Variants in MYO7A observed in about 807,000 individuals in gnomAD.
MYO7A encodes myosin VIIA, also known as unconventional myosin-VIIa.
A neutral mutation model predicts 263.8 loss-of-function variants in MYO7A; 210 were observed. The ratio of observed to expected loss-of-function variants is 0.80; its 90% CI spans 0.71 to 0.89. MYO7A has a LOEUF of 0.89. Ranked by LOEUF, MYO7A falls within the 40% of genes least tolerant of loss-of-function variation. MYO7A has a pLI of 0.00. For synonymous variants in MYO7A, 1,239 were observed against 1,197.3 expected (o/e 1.03, Z -0.72); for missense variants, 2,820 against 2,968.3 (o/e 0.95, Z 1.16).
chr11:77,180,130 G>A (rs1217045321), intron 21 of MYO7A, among the ~76,000 whole-genome samples, 177 bp downstream of exon 21: 2 of 152,232 alleles, frequency 1.3e-5, no homozygotes, highest in East Asian at 1.9e-4. Flanking sequence ...TCAGCCAAGG[G>A]CAGGGCTGGG....
chr11:77,160,256 C>G lies in MYO7A; in HGVS notation c.1174C>G (p.Leu392Val). The G allele has an allele frequency of 6.4e-7, 1 of 1,574,628 alleles. No individual in the cohort carries two copies. Among genetic ancestry groups the G allele is most frequent in the Non-Finnish European group, 8.6e-7 (1 of 1,160,658 alleles). ...CACCCCACTGAGCAGGGAACAGGCA[C>G]TGGACGTGCGCGACGCCTTCGTAAA... ...VSTPLSREQA[L>V]DVRDAFVKGI... The change falls in exon 11 of 49, where the codon CTG becomes GTG. Residue 392 changes from leucine to valine, a missense_variant. Coordinates refer to ENST00000409709, the MANE Select transcript of MYO7A (RefSeq NM_000260.4).
rs4945157 is a variant in MYO7A at position 77,197,793 on chromosome 11, G to A, written c.4441+195G>A. Among the ~76,000 whole-genome samples the A allele has an allele frequency of 0.036, 1,086 of 30,058 alleles. 35 individuals carry two copies. Among genetic ancestry groups the A allele is most frequent in the African/African-American group, 0.096 (511 of 5,330 alleles). 19.7% of individuals were successfully genotyped at this position (30,058 alleles called of 152,430 possible). A position where few individuals can be genotyped will look rare whatever the true frequency, so the allele number is the denominator to read the frequency against. On this transcript the variant is annotated intron_variant, in intron 33 of 48. Coordinates refer to ENST00000409709, the MANE Select transcript of MYO7A (RefSeq NM_000260.4). ...CCTTGCTCTGTAGCTCCAGCCCACA[G>A]CAGGGGAGGGAAACGTCTTGAGCCA...
At chr11:77,208,183 G>T (rs1319248621) in intron 42 of MYO7A, among the ~76,000 whole-genome samples, 1 of 152,174 alleles carries the variant, frequency 6.6e-6, no homozygotes, top group African/African-American at 2.4e-5. Context: ...AGTTTCCCTT[G>T]AGTCTAAGGC....
rs782288101 is a variant in MYO7A at position 77,157,039 on chromosome 11, C to G, written c.735+35C>G. On this transcript the variant is annotated intron_variant, in intron 7 of 48. Coordinates refer to ENST00000409709, the MANE Select transcript of MYO7A (RefSeq NM_000260.4). ...AGCCCCAGGGATGCAGGAATAGACC[C>G]AGGCCCCTGGCCTCAGGGGTCTGCG... 19 of 1,602,276 alleles carry G rather than the reference C, an allele frequency of 1.2e-5. No individual in the cohort carries two copies. The East Asian group carries it at 4.2e-4, about 36-fold the overall frequency.
Position 77,202,328 on chromosome 11 carries a change from G to A in MYO7A, c.5072G>A (p.Arg1691Lys), listed in dbSNP as rs1957119932. 6.3e-7 allele frequency: 1 copy of A among 1,585,272 alleles called. No homozygotes were observed. The highest frequency in any genetic ancestry group is 2.3e-5 in the East Asian group (1 of 43,558). ...VALVTMTPDQ[R>K]QDVVRLLQLR... is the part of the protein sequence containing the mutation. ...CTGGTCACCATGACTCCCGATCAGA[G>A]GCAGGACGTTGTCCGGCTCTTGCAG... Residue 1691 changes from arginine to lysine, a missense_variant, in exon 37 of 49, where the codon AGG becomes AAG. Arg to Lys is a conservative substitution (Grantham distance 26, BLOSUM62 2). Coordinates refer to ENST00000409709, the MANE Select transcript of MYO7A (RefSeq NM_000260.4).
In MYO7A at chr11:77,208,692, T is replaced by C; in HGVS notation, c.5945-5T>C. 1 of 1,574,410 alleles carries C rather than the reference T, an allele frequency of 6.4e-7. No homozygotes were observed. The highest frequency in any genetic ancestry group is 8.6e-7 in the Non-Finnish European group (1 of 1,158,206). ...CTCTGGGTGACCGACTGCCCTGTGC[T>C]GCAGGAATTGTGCCCTCACTCACCT... On this transcript the variant is annotated splice_polypyrimidine_tract_variant and splice_region_variant and intron_variant, in intron 43 of 48. Coordinates refer to ENST00000409709, the MANE Select transcript of MYO7A (RefSeq NM_000260.4).
At chr11:77,202,636 C>A (rs1160761342) in intron 37 of MYO7A, among the ~76,000 whole-genome samples, 1 of 152,086 alleles carries the variant, frequency 6.6e-6, no homozygotes, top group Non-Finnish European at 1.5e-5. Flanking sequence ...TCACTGCACC[C>A]ACCCCAGGCT....
At chr11:77,194,169 G>A in intron 31 of MYO7A, 185 bp from the exon 32 acceptor site, 1 of 763,410 alleles carries the variant, frequency 1.3e-6, no homozygotes, top group Non-Finnish European at 2.3e-6. Flanking sequence ...CCCTTGGGGA[G>A]CTCATGGTTC....
In MYO7A at chr11:77,215,045, G is replaced by A; in HGVS notation, c.*349G>A. On this transcript the variant is annotated 3_prime_UTR_variant, in exon 49 of 49. Coordinates refer to ENST00000409709, the MANE Select transcript of MYO7A (RefSeq NM_000260.4). The stretch of plus-strand genomic sequence containing the variant: ...ACTTTCTGTGTACCACTGGGATAGA[G>A]GAATCAAGAGGACAATCTAGCTCTC... The A allele has an allele frequency of 7.6e-6, 2 of 264,872 alleles. No homozygotes were observed. Among genetic ancestry groups the A allele is most frequent in the Non-Finnish European group, 1.4e-5 (2 of 138,056 alleles). The allele number at this position is 264,872 out of a possible 1,614,324, so 16.4% of individuals were successfully genotyped here.
At chr11:77,144,291 C>A (rs1489572913) in intron 3 of MYO7A, among the ~76,000 whole-genome samples, 1 of 152,172 alleles carries the variant, frequency 6.6e-6, no homozygotes, top group Non-Finnish European at 1.5e-5. Flanking sequence ...GAAGGGGAGG[C>A]ACAGGCTGGG....
chr11:77,207,301 G>T lies in MYO7A; in HGVS notation c.5755G>T (p.Glu1919Ter). The change falls in exon 42 of 49, where the codon GAG (glutamate) becomes TAG (stop). Residue 1919 changes from glutamate (E) to a stop codon, truncating the protein, a stop_gained. Transcript: ENST00000409709. LOFTEE classifies it high-confidence loss of function. Reference sequence around the variant, plus strand: ...CTGCCCCTCCCAGGCCTTCGAAGTGGAGTCCAGCACCAAGGCCAAGGACTT... The same window carrying T: ...CTGCCCCTCCCAGGCCTTCGAAGTGTAGTCCAGCACCAAGGCCAAGGACTT... ...PDDTDEAFEV[E>*]SSTKAKDFCQ... The T allele has an allele frequency of 6.2e-7, 1 of 1,611,142 alleles. No homozygotes were observed. The highest frequency in any genetic ancestry group is 8.5e-7 in the Non-Finnish European group (1 of 1,178,674).
At chr11:77,139,092 A>T (rs879954680) in intron 2 of MYO7A, among the ~76,000 whole-genome samples, 1 of 152,234 alleles carries the variant, frequency 6.6e-6, no homozygotes, top group Admixed American at 6.5e-5. Flanking sequence ...GTGCATTTGC[A>T]TGGGTCTCTC....
intron 3 of MYO7A, among the ~76,000 whole-genome samples, chr11:77,144,877 G>A (rs1951457011): frequency 6.6e-6 from 1 of 152,188 alleles, no homozygotes; most frequent in Non-Finnish European, 1.5e-5. Context: ...TAGGGAGCAA[G>A]CTGTCCCTGC....
At chr11:77,177,183 G>T (rs1954717428) in intron 18 of MYO7A, among the ~76,000 whole-genome samples, 1 of 152,172 alleles carries the variant, frequency 6.6e-6, no homozygotes, top group African/African-American at 2.4e-5. Context: ...GAGAAGAATG[G>T]CAACAGCCCA....
intron 5 of MYO7A, 117 bp from the exon 6 acceptor site, chr11:77,156,543 A>C: frequency 2.1e-6 from 3 of 1,430,352 alleles, no homozygotes; most frequent in Non-Finnish European, 1.9e-6. Context: ...GAGGGTCCGT[A>C]TTGTCAGCTG....
In MYO7A at chr11:77,179,699, C is replaced by T. The variant is rs781957514; in HGVS notation, c.2368-36C>T. 7 of 1,496,324 alleles carry T rather than the reference C, an allele frequency of 4.7e-6. No individual in the cohort carries two copies. In the South Asian group the frequency reaches 7.7e-5, roughly 16 times the overall value. 92.7% of individuals were successfully genotyped at this position (1,496,324 alleles called of 1,614,324 possible). On this transcript the variant is annotated intron_variant, in intron 20 of 48. Transcript: ENST00000409709. ...CAGGCAGGGTCAGTCTGGAATGGGA[C>T]AGCAGGCTCTGAGCATGGGGTGGCT...
At chr11:77,154,458 G>T (rs1952250062) in intron 4 of MYO7A, among the ~76,000 whole-genome samples, 1 of 152,218 alleles carries the variant, frequency 6.6e-6, no homozygotes. Context: ...AAATGCTCTT[G>T]TAGCCCCTGT....
chr11:77,204,113 G>T lies in MYO7A; in HGVS notation c.5364G>T (p.Arg1788Ser). The change falls in exon 39 of 49, where the codon AGG (arginine) becomes AGT (serine). Residue 1788 changes from arginine (R) to serine (S), a missense_variant. Transcript: ENST00000409709. ...ACATGGGCGACTACCCGTCCAAGAG[G>T]ACACGCTCCGTCAACGAGCTCACCG... Reference protein sequence around the residue: ...LKYMGDYPSKRTRSVNELTDQ... With the variant: ...LKYMGDYPSKSTRSVNELTDQ... The T allele has an allele frequency of 6.2e-7, 1 of 1,601,164 alleles. No homozygotes were observed. The highest frequency in any genetic ancestry group is 8.5e-7 in the Non-Finnish European group (1 of 1,174,114).
chr11:77,179,876 C>A lies in MYO7A; in HGVS notation c.2509C>A (p.Leu837Ile). The change falls in exon 21 of 49, where the codon CTC becomes ATC. Residue 837 changes from leucine to isoleucine, a missense_variant. Physicochemically the swap from Leu to Ile is conservative, Grantham distance 5. Coordinates refer to ENST00000409709, the MANE Select transcript of MYO7A (RefSeq NM_000260.4). ...GGTGCGCAAGGCCTTCCGCCACCGCCTCTGGGCTGTGCTCACCGTGCAGGC... is the reference window on the plus strand; with the variant it reads ...GGTGCGCAAGGCCTTCCGCCACCGCATCTGGGCTGTGCTCACCGTGCAGGC... ...YLVRKAFRHR[L>I]WAVLTVQAYA... 6.5e-7 allele frequency: 1 copy of A among 1,541,028 alleles called. No homozygotes were observed. The highest frequency in any genetic ancestry group is 8.7e-7 in the Non-Finnish European group (1 of 1,146,794).
Sources: allele counts gnomAD v4.1 joint callset (sites outside exome capture counted in the v4.1 genomes callset), GRCh38; gene constraint gnomAD v4.1.1; transcripts MANE v1.5; gene names NCBI Gene and HGNC (gene_info 2026-07-23, HGNC 2026-07-21).